Variants in TBC1D19 observed in about 807,000 individuals in gnomAD.
TBC1D19 encodes TBC1 domain family member 19, also known as TBC1 domain family, member 19.
Under a neutral mutation model 89.0 loss-of-function variants are expected in TBC1D19, and 60 were observed. The ratio of observed to expected loss-of-function variants is 0.67; its 90% CI spans 0.55 to 0.84. The LOEUF (loss-of-function observed/expected upper bound fraction) is 0.84, where lower values mean the gene tolerates loss of function less well. TBC1D19 is among the 40% of genes least tolerant of loss of function. The pLI, the probability that TBC1D19 is intolerant of heterozygous loss-of-function variation, is 0.00. For missense variants in TBC1D19, 500 were observed against 610.8 expected (o/e 0.82, Z 1.91); for synonymous variants, 189 against 199.7 (o/e 0.95, Z 0.45).
the TBC1D19 span, among the ~76,000 whole-genome samples, chr4:26,772,302 C>T: frequency 1.3e-5 from 2 of 152,164 alleles, no homozygotes; most frequent in Non-Finnish European, 2.9e-5. Context: ...CCTCACCAGA[C>T]TTGGTGCACA....
At chr4:26,815,758 T>A in the TBC1D19 span, among the ~76,000 whole-genome samples, 1 of 152,262 alleles carries the variant, frequency 6.6e-6, no homozygotes, top group Non-Finnish European at 1.5e-5. Flanking sequence ...TGACTTGGTA[T>A]AATTTCCTGT....
chr4:26,576,824 G>A (rs1231323729), intron 1 of TBC1D19: 3 of 456,118 alleles, frequency 6.6e-6, no homozygotes, highest in African/African-American at 6.0e-5. Flanking sequence ...GGCCAGGTAT[G>A]ACCAGGTAAA....
the TBC1D19 span, among the ~76,000 whole-genome samples, chr4:26,840,867 C>A: frequency 6.7e-6 from 1 of 149,826 alleles, no homozygotes; most frequent in African/African-American, 2.5e-5. Flanking sequence ...CACTGCCCTT[C>A]TTCTCACTTC....
chr4:26,851,304 C>CCTATCTATCTAT, the TBC1D19 span, among the ~76,000 whole-genome samples: 114 of 147,076 alleles, frequency 7.8e-4, 1 homozygote, highest in East Asian at 2.2e-3. Flanking sequence ...TAATAAATAC[C>CCTATCTATCTAT]CTATCTATCT....
the TBC1D19 span, among the ~76,000 whole-genome samples, chr4:26,764,101 G>A: frequency 6.6e-6 from 1 of 152,192 alleles, no homozygotes; most frequent in Non-Finnish European, 1.5e-5. Flanking sequence ...AAGTGTTACA[G>A]CTCACCTAAT....
the TBC1D19 span, among the ~76,000 whole-genome samples, chr4:26,824,460 C>A: frequency 6.6e-6 from 1 of 152,162 alleles, no homozygotes; most frequent in African/African-American, 2.4e-5. Context: ...ATGCTCAATG[C>A]AGAAAATCCA....
At chr4:26,749,227 A>G (rs1718811205) in intron 19 of TBC1D19, among the ~76,000 whole-genome samples, 1 of 152,180 alleles carries the variant, frequency 6.6e-6, no homozygotes, top group Non-Finnish European at 1.5e-5. Flanking sequence ...TCTTGTGCAC[A>G]ATAGACTCAA....
chr4:26,742,669 G>A, intron 18 of TBC1D19, 70 bp downstream of exon 18: 2 of 1,199,306 alleles, frequency 1.7e-6, no homozygotes, highest in Non-Finnish European at 2.3e-6. Context: ...TCATTGCAGA[G>A]CACTTGCAAA....
intron 8 of TBC1D19, 44 bp downstream of exon 8, chr4:26,659,751 C>G (rs776217863): frequency 1.4e-5 from 19 of 1,318,762 alleles, no homozygotes; most frequent in Admixed American, 1.9e-5. Flanking sequence ...AGAAGATAAC[C>G]ATTAGAAAAA....
At chr4:26,654,302 T>G (rs542171105) in intron 7 of TBC1D19, among the ~76,000 whole-genome samples, 2 of 152,324 alleles carry the variant, frequency 1.3e-5, no homozygotes, top group East Asian at 3.9e-4. Context: ...TGGCTGCCCT[T>G]AACATATTTT....
chr4:26,758,437 A>G (rs566868212), downstream of TBC1D19, among the ~76,000 whole-genome samples: 5 of 152,136 alleles, frequency 3.3e-5, no homozygotes, highest in African/African-American at 1.2e-4. Context: ...CCCCTTCCCC[A>G]TGTGCATCAG....
At chr4:26,767,471 G>T in the TBC1D19 span, among the ~76,000 whole-genome samples, 1 of 152,138 alleles carries the variant, frequency 6.6e-6, no homozygotes. Context: ...CAATGTGATG[G>T]TATAGAAAGC....
At chr4:26,806,736 C>G in the TBC1D19 span, among the ~76,000 whole-genome samples, 1 of 152,182 alleles carries the variant, frequency 6.6e-6, no homozygotes, top group Non-Finnish European at 1.5e-5. Flanking sequence ...AGAGTAGGCC[C>G]TAAAACCAAT....
chr4:26,726,820 GA>G (rs1412017907), intron 15 of TBC1D19, among the ~76,000 whole-genome samples: 4 of 4,572 alleles, frequency 8.7e-4, no homozygotes, highest in African/African-American at 9.4e-4. Flanking sequence ...ATGAGGAAAT[GA>G]AGAGAATATT....
the TBC1D19 span, among the ~76,000 whole-genome samples, chr4:26,834,130 G>A: frequency 6.6e-6 from 1 of 152,162 alleles, no homozygotes; most frequent in South Asian, 2.1e-4. Context: ...TGTAGGATGT[G>A]CCTGCTTCCC....
At chr4:26,756,803 G>C (rs1300878419), downstream of TBC1D19, among the ~76,000 whole-genome samples, 1 of 152,142 alleles carries the variant, frequency 6.6e-6, no homozygotes, top group Non-Finnish European at 1.5e-5. Flanking sequence ...GATAGTTTAA[G>C]ACTATGTCTG....
chr4:26,837,163 T>C, the TBC1D19 span, among the ~76,000 whole-genome samples: 1 of 152,244 alleles, frequency 6.6e-6, no homozygotes, highest in African/African-American at 2.4e-5. Flanking sequence ...GGCAAGTCAC[T>C]AAACCACAGA....
At chr4:26,847,279 C>T in the TBC1D19 span, among the ~76,000 whole-genome samples, 6 of 152,100 alleles carry the variant, frequency 3.9e-5, no homozygotes, top group East Asian at 1.2e-3. Flanking sequence ...GTGATAAGGG[C>T]TATGGAGAAG....
the TBC1D19 span, among the ~76,000 whole-genome samples, chr4:26,814,885 C>T: frequency 1.1e-4 from 16 of 151,956 alleles, no homozygotes; most frequent in African/African-American, 2.7e-4. Context: ...ATCTGGATGT[C>T]GTGGCACGCG....
Sources: gnomAD v4.1 joint callset for allele counts (sites outside exome capture counted in the v4.1 genomes callset) on GRCh38, gnomAD v4.1.1 for gene constraint, MANE v1.5 for transcripts, NCBI Gene and HGNC (gene_info 2026-07-23, HGNC 2026-07-21) for gene names.